POLR1D: variants seen among roughly 807,000 people sequenced by gnomAD.
POLR1D encodes the protein DNA-directed RNA polymerases I and III subunit RPAC2.
A neutral mutation model predicts 10.8 loss-of-function variants in POLR1D; 8 were observed. That is an observed-to-expected ratio of 0.74 (90% CI 0.43 to 1.33). POLR1D has a LOEUF of 1.33. POLR1D is among the 40% of genes most tolerant of loss of function. The pLI, the probability that POLR1D is intolerant of heterozygous loss-of-function variation, is 0.01. For synonymous variants in POLR1D, 54 were observed against 57.2 expected, an observed-to-expected ratio of 0.94 and a Z score of 0.25; for missense variants, 152 against 161.7, an observed-to-expected ratio of 0.94 and a Z score of 0.32.
exon 3 of POLR1D, chr13:27,666,614 AT>A (rs1359440168): frequency 6.6e-6 from 1 of 152,148 alleles, no homozygotes; most frequent in East Asian, 1.9e-4. Flanking sequence ...AATTTTTTTA[AT>A]ATATAGGTCT....
intron 1 of POLR1D, among the ~76,000 whole-genome samples, chr13:27,647,514 C>T (rs1030002870): frequency 6.6e-6 from 1 of 152,014 alleles, no homozygotes; most frequent in Non-Finnish European, 1.5e-5. Flanking sequence ...TAAGCCACCA[C>T]ACCTAGCCGT....
downstream of POLR1D, among the ~76,000 whole-genome samples, chr13:27,625,442 AAGAAT>A (rs370425758): frequency 3.3e-3 from 506 of 152,296 alleles, 2 homozygotes; most frequent in African/African-American, 0.012. Flanking sequence ...GTGGAAGATG[AAGAAT>A]CAAAGATGAC....
exon 3 of POLR1D, chr13:27,667,268 CTT>C (rs1229363539): frequency 6.6e-6 from 1 of 152,120 alleles, no homozygotes; most frequent in African/African-American, 2.4e-5. Context: ...CTTCATCTGA[CTT>C]TATTCAAATC....
At chr13:27,655,215 G>A (rs1956298028) in intron 2 of POLR1D, among the ~76,000 whole-genome samples, 2 of 152,180 alleles carry the variant, frequency 1.3e-5, no homozygotes, top group Admixed American at 1.3e-4. Context: ...GACATTGTTT[G>A]ATTATCTATG....
intron 2 of POLR1D, among the ~76,000 whole-genome samples, chr13:27,654,685 C>T (rs1239076292): frequency 6.6e-6 from 1 of 152,142 alleles, no homozygotes; most frequent in Non-Finnish European, 1.5e-5. Flanking sequence ...CGTTTATACA[C>T]ATACATTATT....
intron 2 of POLR1D, among the ~76,000 whole-genome samples, chr13:27,659,079 A>G (rs1334222114): frequency 1.3e-5 from 2 of 152,178 alleles, no homozygotes; most frequent in Non-Finnish European, 2.9e-5. Context: ...AGAGATATGG[A>G]AGGAAGTCAC....
Position 27,665,972 on chromosome 13 carries a change from C to G in POLR1D, c.*19C>G, listed in dbSNP as rs767314108. The G allele has an allele frequency of 2.5e-6, 4 of 1,612,344 alleles. No individual in the cohort carries two copies. The Admixed American group carries it at 6.7e-5, about 27-fold the overall frequency. ...GCGGTGAGGCTGGAACCAGGGCCAG[C>G]CAGCCCTGCGGGCCTCCGTGCTCCT... On this transcript the variant is annotated 3_prime_UTR_variant, in exon 3 of 3. Coordinates refer to the POLR1D transcript ENST00000399697.
intron 2 of POLR1D, among the ~76,000 whole-genome samples, chr13:27,655,101 T>C (rs907737527): frequency 3.3e-5 from 5 of 152,192 alleles, no homozygotes; most frequent in African/African-American, 1.2e-4. Flanking sequence ...GGGTCATTTG[T>C]TGAAGATAGG....
rs138168428 is a variant in POLR1D, at chr13:27,635,635, A to C, written c.27-12744A>C. On this transcript the variant is annotated intron_variant, in intron 1 of 2. Coordinates refer to the POLR1D transcript ENST00000399697. ...ATTACTATTAAAATTATAACTATAA[A>C]ATGATTATTTTTTTAAAAATTCTTA... is the stretch of plus-strand genomic sequence containing the variant. Among the ~76,000 whole-genome samples the C allele has an allele frequency of 2.2e-3, 336 of 150,944 alleles. 1 individual carries two copies. The highest frequency in any genetic ancestry group is 7.7e-3 in the African/African-American group (318 of 41,254).
intron 2 of POLR1D, among the ~76,000 whole-genome samples, chr13:27,658,147 A>G (rs192059417): frequency 2.0e-5 from 3 of 152,366 alleles, no homozygotes; most frequent in Admixed American, 6.5e-5. Flanking sequence ...GTGCCCCACT[A>G]TCAGTGATTA....
chr13:27,637,794 A>T (rs1373402982), intron 1 of POLR1D, among the ~76,000 whole-genome samples: 1 of 150,872 alleles, frequency 6.6e-6, no homozygotes, highest in African/African-American at 2.5e-5. Flanking sequence ...TTAATACATT[A>T]AAAAAAATTT....
intron 1 of POLR1D, among the ~76,000 whole-genome samples, chr13:27,631,078 A>C (rs539547137): frequency 5.3e-5 from 8 of 152,210 alleles, no homozygotes. Context: ...ACTGGGTATT[A>C]GTCCATTGCT....
rs74040824 is a variant in POLR1D at position 27,630,502 on chromosome 13, G to C, written c.26+8493G>C. On this transcript the variant is annotated intron_variant, in intron 1 of 2. Coordinates refer to the POLR1D transcript ENST00000399697. Reference sequence around the variant, plus strand: ...GGGAGAGACTTTCTCTTTCTCTGCTGACCTCTTTCAAGGCAGTGTTGTGTA... The same window carrying C: ...GGGAGAGACTTTCTCTTTCTCTGCTCACCTCTTTCAAGGCAGTGTTGTGTA... Among the ~76,000 whole-genome samples the C allele has an allele frequency of 3.2e-3, 491 of 152,166 alleles. 4 individuals carry two copies. Among genetic ancestry groups the C allele is most frequent in the African/African-American group, 0.011 (472 of 41,508 alleles).
intron 1 of POLR1D, among the ~76,000 whole-genome samples, chr13:27,637,850 C>T (rs551920489): frequency 7.3e-4 from 111 of 151,830 alleles, no homozygotes; most frequent in Middle Eastern, 3.4e-3. Context: ...AGGCTGGCCT[C>T]AAACTTTTGA....
chr13:27,640,877 C>G (rs190875329), intron 1 of POLR1D, among the ~76,000 whole-genome samples: 46 of 152,236 alleles, frequency 3.0e-4, no homozygotes, highest in African/African-American at 1.1e-3. Context: ...ACCTACATGC[C>G]TCTTCCTGTA....
rs188886669 is a variant in POLR1D, at chr13:27,666,003, G to C, written c.*50G>C. 3.2e-6 allele frequency: 5 copies of C among 1,557,886 alleles called. No homozygotes were observed. In the African/African-American group the frequency reaches 6.8e-5, roughly 21 times the overall value. On this transcript the variant is annotated 3_prime_UTR_variant, in exon 3 of 3. Transcript: ENST00000399697. ...CTGCGGGCCTCCGTGCTCCTTCGGG[G>C]TGCGGTGTGCGGAGAAGGCCTGAGC...
intron 2 of POLR1D, chr13:27,650,402 T>G (rs1956256320): frequency 2.3e-5 from 5 of 220,638 alleles, no homozygotes; most frequent in African/African-American, 1.1e-4. Context: ...ATGGATGGAT[T>G]ACATGACTGA....
chr13:27,631,462 G>A (rs943681047), intron 1 of POLR1D, among the ~76,000 whole-genome samples: 6 of 152,152 alleles, frequency 3.9e-5, no homozygotes, highest in Admixed American at 1.3e-4. Context: ...ACTTGAGAGC[G>A]AGTACATGAG....
intron 1 of POLR1D, chr13:27,648,361 T>C (rs767651115): frequency 1.3e-6 from 2 of 1,549,348 alleles, no homozygotes; most frequent in Non-Finnish European, 1.8e-6. Context: ...TCTCAAATCT[T>C]TTCCTTTTTC....
Sources: gnomAD v4.1 joint callset for allele counts (sites outside exome capture counted in the v4.1 genomes callset) on GRCh38, gnomAD v4.1.1 for gene constraint, MANE v1.5 for transcripts, NCBI Gene and HGNC (gene_info 2026-07-23, HGNC 2026-07-21) for gene names.